PDLIM7: variants seen among roughly 807,000 people sequenced by gnomAD.
The protein encoded by PDLIM7 is PDZ and LIM domain protein 7.
PDLIM7 carries 37 observed loss-of-function variants against 53.9 expected under a neutral mutation model. The ratio of observed to expected loss-of-function variants is 0.69; its 90% CI spans 0.53 to 0.90. The LOEUF (loss-of-function observed/expected upper bound fraction) is 0.90, where lower values mean the gene tolerates loss of function less well. Ranked by LOEUF, PDLIM7 falls within the 40% of genes least tolerant of loss-of-function variation. The probability of loss-of-function intolerance (pLI) is 0.00; values close to 1 mark genes in which losing one functional copy is unlikely to be tolerated. For missense variants in PDLIM7, 617 were observed against 638.5 expected, an observed-to-expected ratio of 0.97 and a Z score of 0.36; for synonymous variants, 300 against 261.3, an observed-to-expected ratio of 1.15 and a Z score of -1.43.
At chr5:177,496,678 C>T (rs901012984) in intron 1 of PDLIM7, 155 bp from the exon 2 acceptor site, 5 of 463,760 alleles carry the variant, frequency 1.1e-5, no homozygotes, top group African/African-American at 2.0e-5. Context: ...TTTTGTCAGG[C>T]TGGCCTGGGC....
chr5:177,493,983 G>A (rs1758933612), intron 2 of PDLIM7, among the ~76,000 whole-genome samples: 1 of 152,224 alleles, frequency 6.6e-6, no homozygotes, highest in Non-Finnish European at 1.5e-5. Flanking sequence ...ACTGGGAAAA[G>A]AAAGGCGAGC....
At chr5:177,492,260 G>T in intron 4 of PDLIM7, 145 bp downstream of exon 4, 1 of 1,015,194 alleles carries the variant, frequency 9.9e-7, no homozygotes, top group South Asian at 1.6e-5. Flanking sequence ...CTCAACTCCA[G>T]GGCCCTAGAC....
chr5:177,488,104 T>A lies in PDLIM7; in HGVS notation c.1014A>T (p.Ala338=), dbSNP rs760119591. 6.2e-7 allele frequency: 1 copy of A among 1,611,150 alleles called. No homozygotes were observed. The highest frequency in any genetic ancestry group is 8.5e-7 in the Non-Finnish European group (1 of 1,178,960). The change falls in exon 10 of 13, where the codon GCA becomes GCT. Residue 338 remains alanine (A), a synonymous_variant. Transcript: ENST00000355841. ...FCPPCYDVRY[A]PSCAKCKKKI... ...TCTTCTTGCACTTGGCACAGCTGGG[T>A]GCATAGCGCACGTCATAGCATGGTG...
rs1030888554 is a variant in PDLIM7 at position 177,496,505 on chromosome 5, G to A, written c.8C>T (p.Ser3Phe). The A allele has an allele frequency of 6.3e-7, 1 of 1,592,642 alleles. No homozygotes were observed. The highest frequency in any genetic ancestry group is 2.3e-5 in the East Asian group (1 of 42,940). Residue 3 changes from serine to phenylalanine, a missense_variant, in exon 2 of 13, where the codon TCC (serine) becomes TTC (phenylalanine). By Grantham distance (155) the Ser-to-Phe change is radical. Transcript: ENST00000355841. Reference protein sequence around the residue: MDSFKVVLEGPAP... With the variant: MDFFKVVLEGPAP... ...TGGCCCCTCCAGCACTACTTTGAAG[G>A]AATCCATGATGCCGGCTCCTGAGAG...
intron 10 of PDLIM7, among the ~76,000 whole-genome samples, chr5:177,486,148 G>A (rs1400190719): frequency 6.6e-6 from 1 of 151,524 alleles, no homozygotes; most frequent in Non-Finnish European, 1.5e-5. Context: ...TGAACTCCTG[G>A]GCTCAAGCAA....
chr5:177,490,717 GGAAGGAAGGAA>G (rs1758716498), intron 7 of PDLIM7, 142 bp downstream of exon 7: 10 of 131,600 alleles, frequency 7.6e-5, no homozygotes, highest in Middle Eastern at 1.8e-3. Context: ...AGGAAGGGAA[GGAAGGAAGGAA>G]GGAAGGAAGG....
Position 177,490,911 on chromosome 5 carries a change from G to A in PDLIM7, c.536-5C>T, listed in dbSNP as rs1212480709. 6.2e-7 allele frequency: 1 copy of A among 1,614,028 alleles called. No homozygotes were observed. Among genetic ancestry groups the A allele is most frequent in the African/African-American group, 1.3e-5 (1 of 74,912 alleles). ...GCTCCTCATCCGGGTCTTGCACTGA[G>A]AGGGCAGAGGCAGGCATTGACCAAA... On this transcript the variant is annotated splice_region_variant and splice_polypyrimidine_tract_variant and intron_variant, in intron 6 of 12. Transcript: ENST00000355841.
chr5:177,497,238 CCTCCCACACAGAACTG>C (rs1759137243), intron 1 of PDLIM7, among the ~76,000 whole-genome samples: 1 of 152,002 alleles, frequency 6.6e-6, no homozygotes, highest in South Asian at 2.1e-4. Context: ...GGGGGTGGTG[CCTCCCACACAGAACTG>C]CTCCCACACC....
In PDLIM7 at chr5:177,492,535, C is replaced by T. The variant is rs760804462; in HGVS notation, c.239G>A (p.Gly80Asp). The change falls in exon 3 of 13, where the codon GGC (glycine) becomes GAC (aspartate). Residue 80 changes from glycine (G) to aspartate (D), a missense_variant. Transcript: ENST00000355841. ...ATGTCCACCCGCATACCTGCTGAGGCCCAGGCTGAGGCGCTCCCCGCAGGC... is the reference window on the plus strand; with the variant it reads ...ATGTCCACCCGCATACCTGCTGAGGTCCAGGCTGAGGCGCTCCCCGCAGGC... ...IRACGERLSL[G>D]LSRAQPVQSK... 43 of 1,613,576 alleles carry T rather than the reference C, an allele frequency of 2.7e-5. No individual in the cohort carries two copies. Among genetic ancestry groups the T allele is most frequent in the Middle Eastern group, 1.6e-4 (1 of 6,082 alleles).
chr5:177,495,650 C>A (rs1759035156), intron 2 of PDLIM7, among the ~76,000 whole-genome samples: 1 of 152,224 alleles, frequency 6.6e-6, no homozygotes, highest in African/African-American at 2.4e-5. Context: ...CTGCAGACCG[C>A]AGCCACTGTT....
intron 2 of PDLIM7, 28 bp downstream of exon 2, chr5:177,496,389 G>A (rs1448560420): frequency 6.6e-7 from 1 of 1,511,430 alleles, no homozygotes; most frequent in Admixed American, 2.1e-5. Flanking sequence ...GACCGCTGGG[G>A]GAGCCCCCTC....
At chr5:177,491,206 C>T in intron 5 of PDLIM7, 60 bp from the exon 6 acceptor site, 2 of 1,543,294 alleles carry the variant, frequency 1.3e-6, no homozygotes, top group East Asian at 2.3e-5. Context: ...GGCAGCCCCT[C>T]CCAGGATTTG....
chr5:177,487,712 G>A (rs1758532357), intron 10 of PDLIM7, among the ~76,000 whole-genome samples: 1 of 152,232 alleles, frequency 6.6e-6, no homozygotes, highest in African/African-American at 2.4e-5. Context: ...CCCTGGCTCT[G>A]GATCCAGAAA....
intron 2 of PDLIM7, 104 bp from the exon 3 acceptor site, chr5:177,492,781 C>G: frequency 3.2e-6 from 4 of 1,260,252 alleles, no homozygotes; most frequent in Non-Finnish European, 3.4e-6. Context: ...ACTTCCAGAA[C>G]CCAGAGAGCT....
At position 177,483,676 on chromosome 5, in the gene PDLIM7, G is replaced by A. The variant is rs923522183; in HGVS notation, c.1342C>T (p.Leu448Phe). The A allele has an allele frequency of 4.1e-5, 66 of 1,612,678 alleles. No homozygotes were observed. The highest frequency in any genetic ancestry group is 5.3e-5 in the Non-Finnish European group (62 of 1,178,922). Residue 448 changes from leucine (L) to phenylalanine (F), a missense_variant, in exon 13 of 13, where the codon CTC becomes TTC. Leu to Phe is a conservative substitution (Grantham distance 22). Coordinates refer to ENST00000355841, the MANE Select transcript of PDLIM7 (RefSeq NM_005451.5). ...KTFYSKKDRP[L>F]CKSHAFSHV is the part of the protein sequence containing the mutation. ...TGAGAGAAGGCATGGCTCTTGCAGAGAGGCCTGTCCTTCTTGGAGTAGAAG... is the reference window on the plus strand; with the variant it reads ...TGAGAGAAGGCATGGCTCTTGCAGAAAGGCCTGTCCTTCTTGGAGTAGAAG...
At position 177,488,258 on chromosome 5, in the gene PDLIM7, G is replaced by A. The variant is rs1217073523; in HGVS notation, c.870-10C>T. ...CACCAGGTAGCGGCCCCTGCAGGGA[G>A]GCGAGAGCGGTCAGAGGGAGCACAC... On this transcript the variant is annotated splice_polypyrimidine_tract_variant and intron_variant, in intron 9 of 12. Coordinates refer to ENST00000355841, the MANE Select transcript of PDLIM7 (RefSeq NM_005451.5). The A allele has an allele frequency of 6.3e-7, 1 of 1,588,472 alleles. No individual in the cohort carries two copies. Among genetic ancestry groups the A allele is most frequent in the South Asian group, 1.1e-5 (1 of 88,540 alleles).
chr5:177,490,042 A>T, intron 7 of PDLIM7: 1 of 1,532,850 alleles, frequency 6.5e-7, no homozygotes, highest in Middle Eastern at 1.7e-4. Context: ...CTGGGAGACG[A>T]GGCAGGGCTC....
chr5:177,491,594 T>A (rs530129329), intron 5 of PDLIM7, among the ~76,000 whole-genome samples: 1 of 151,586 alleles, frequency 6.6e-6, no homozygotes, highest in Non-Finnish European at 1.5e-5. Context: ...GGGCGCGGCG[T>A]CATTCAGAGA....
chr5:177,492,453 C>T lies in PDLIM7; in HGVS notation c.249-18G>A, dbSNP rs186153779. On this transcript the variant is annotated intron_variant, in intron 3 of 12. Coordinates refer to ENST00000355841, the MANE Select transcript of PDLIM7 (RefSeq NM_005451.5). ...GCTGGGCCCTGGAGGAGAAGGAAAG[C>T]GTGACAGCGGGCCGGGCCCGCAGGG... 4.6e-4 allele frequency: 750 copies of T among 1,613,638 alleles called. No homozygotes were observed. Among genetic ancestry groups the T allele is most frequent in the African/African-American group, 1.1e-3 (81 of 75,036 alleles).
Sources: allele counts gnomAD v4.1 joint callset (sites outside exome capture counted in the v4.1 genomes callset), GRCh38; gene constraint gnomAD v4.1.1; transcripts MANE v1.5; gene names NCBI Gene and HGNC (gene_info 2026-07-23, HGNC 2026-07-21).